GREB1L: variants seen among roughly 807,000 people sequenced by gnomAD.
GREB1L encodes GREB1 like retinoic acid receptor coactivator.
A neutral mutation model predicts 200.8 loss-of-function variants in GREB1L; 17 were observed. The observed-to-expected ratio is 0.08, with a 90% CI of 0.06 to 0.13. The LOEUF is 0.13. Ranked by LOEUF, GREB1L falls within the 10% of genes least tolerant of loss-of-function variation. GREB1L has a pLI of 1.00. For missense variants in GREB1L, 1,657 were observed against 2,367.7 expected (o/e 0.70, Z 6.23); for synonymous variants, 789 against 893.0 (o/e 0.88, Z 2.08).
chr18:21,374,850 C>CTTTTTTTTTTTTTTTTTT (rs535722957), intron 2 of GREB1L, among the ~76,000 whole-genome samples: 1 of 130,258 alleles, frequency 7.7e-6, no homozygotes, highest in African/African-American at 2.9e-5. Flanking sequence ...TTTCCTTTTC[C>CTTTTTTTTTTTTTTTTTT]TTTTTTTTTT....
chr18:21,244,311 A>AGT (rs903694488), intron 1 of GREB1L, among the ~76,000 whole-genome samples: 2 of 152,214 alleles, frequency 1.3e-5, no homozygotes, highest in Non-Finnish European at 2.9e-5. Context: ...TGTCTACCGC[A>AGT]GTGTGTATCT....
At chr18:21,433,422 C>T (rs903130835) in intron 7 of GREB1L, among the ~76,000 whole-genome samples, 1 of 152,128 alleles carries the variant, frequency 6.6e-6, no homozygotes, top group African/African-American at 2.4e-5. Flanking sequence ...GCTAATCTTC[C>T]AAACAATATG....
chr18:21,505,432 G>A lies in GREB1L; in HGVS notation c.4093G>A (p.Val1365Met). 1 of 1,551,384 alleles carries A rather than the reference G, an allele frequency of 6.4e-7. No homozygotes were observed. The highest frequency in any genetic ancestry group is 8.7e-7 in the Non-Finnish European group (1 of 1,146,998). Reference protein sequence around the residue: ...INTDHNESSEVSQSEGEPWPD... With the variant: ...INTDHNESSEMSQSEGEPWPD... Reference sequence around the variant, plus strand: ...CCTAGATCACAATGAAAGCAGTGAAGTGAGCCAGTCAGAGGGAGAGCCCTG... The same window carrying A: ...CCTAGATCACAATGAAAGCAGTGAAATGAGCCAGTCAGAGGGAGAGCCCTG... The change falls in exon 24 of 33, where the codon GTG becomes ATG. Residue 1365 changes from valine (V) to methionine (M), a missense_variant. By Grantham distance (21) the Val-to-Met change is conservative. Coordinates refer to ENST00000424526, the MANE Select transcript of GREB1L (RefSeq NM_001142966.3).
At chr18:21,477,560 G>C (rs984363839) in intron 17 of GREB1L, among the ~76,000 whole-genome samples, 1 of 152,202 alleles carries the variant, frequency 6.6e-6, no homozygotes, top group Non-Finnish European at 1.5e-5. Context: ...GCCGAGGCGG[G>C]TGGATCACAA....
In GREB1L at chr18:21,360,373, C is replaced by T. The variant is rs1034481180; in HGVS notation, c.-119-5654C>T. Among the ~76,000 whole-genome samples the T allele has an allele frequency of 1.4e-4, 22 of 152,062 alleles. 1 individual carries two copies. The highest frequency in any genetic ancestry group is 7.2e-4 in the Admixed American group (11 of 15,256). On this transcript the variant is annotated intron_variant, in intron 1 of 32. Transcript: ENST00000424526. ...AGCTGGGAGTACAGGTGCTTGCCAC[C>T]ACACCTAGCTAATTTTTTTTTTTTG...
chr18:21,470,034 C>G (rs1385020933), intron 15 of GREB1L, among the ~76,000 whole-genome samples: 1 of 152,024 alleles, frequency 6.6e-6, no homozygotes, highest in African/African-American at 2.4e-5. Context: ...CCTATAATCC[C>G]AGTGCTTTGA....
intron 1 of GREB1L, among the ~76,000 whole-genome samples, chr18:21,306,941 T>C (rs1189397393): frequency 6.6e-6 from 1 of 152,244 alleles, no homozygotes; most frequent in Non-Finnish European, 1.5e-5. Context: ...ATATGTTTTA[T>C]CTTTTTTATT....
Position 21,336,895 on chromosome 18 carries a change from C to CT in GREB1L, c.-119-29129dup, listed in dbSNP as rs547252743. On this transcript the variant is annotated intron_variant, in intron 1 of 32. Coordinates refer to ENST00000424526, the MANE Select transcript of GREB1L (RefSeq NM_001142966.3). ...CTCCAGCCTTTTTGCTTCTGGACCA[C>CT]TTTATCAGAACTCTTCTCCTTTCTG... Among the ~76,000 whole-genome samples the CT allele has an allele frequency of 1.1e-4, 16 of 152,286 alleles. No individual in the cohort carries two copies. The South Asian group carries it at 3.3e-3, about 32-fold the overall frequency.
At chr18:21,336,815 T>C (rs1476712081) in intron 1 of GREB1L, among the ~76,000 whole-genome samples, 2 of 152,158 alleles carry the variant, frequency 1.3e-5, no homozygotes, top group African/African-American at 4.8e-5. Context: ...CTGCTAGTGG[T>C]CAGAATTTAT....
intron 31 of GREB1L, 36 bp downstream of exon 31, chr18:21,518,270 A>G (rs1280968039): frequency 2.2e-5 from 33 of 1,520,460 alleles, no homozygotes; most frequent in Non-Finnish European, 2.6e-5. Flanking sequence ...GCTTACCTAC[A>G]TCCATCCATT....
At chr18:21,243,307 C>G (rs2037537107) in intron 1 of GREB1L, among the ~76,000 whole-genome samples, 1 of 152,166 alleles carries the variant, frequency 6.6e-6, no homozygotes, top group African/African-American at 2.4e-5. Flanking sequence ...CTCGTTTGCC[C>G]GGAACTGCCG....
chr18:21,394,012 C>T (rs970266259), intron 4 of GREB1L, among the ~76,000 whole-genome samples: 4 of 152,170 alleles, frequency 2.6e-5, no homozygotes, highest in Admixed American at 1.3e-4. Flanking sequence ...GCAGATACAG[C>T]GGGCTGAGGG....
chr18:21,427,228 A>G (rs1312952534), intron 7 of GREB1L, among the ~76,000 whole-genome samples: 1 of 151,930 alleles, frequency 6.6e-6, no homozygotes, highest in East Asian at 1.9e-4. Context: ...TTGTGGCCAG[A>G]TGTGGTGGCT....
intron 1 of GREB1L, among the ~76,000 whole-genome samples, chr18:21,320,419 A>G (rs2038933823): frequency 6.6e-6 from 1 of 152,204 alleles, no homozygotes; most frequent in Non-Finnish European, 1.5e-5. Flanking sequence ...CTATATGGCA[A>G]GTCAAATGAA....
Position 21,444,327 on chromosome 18 carries a change from G to A in GREB1L, c.1311G>A (p.Leu437=). 7 of 1,552,030 alleles carry A rather than the reference G, an allele frequency of 4.5e-6. No individual in the cohort carries two copies. The highest frequency in any genetic ancestry group is 6.1e-6 in the Non-Finnish European group (7 of 1,146,926). Residue 437 remains leucine, a synonymous_variant, in exon 11 of 33, where the codon TTG becomes TTA. Coordinates refer to ENST00000424526, the MANE Select transcript of GREB1L (RefSeq NM_001142966.3). ...TTCCACAGTTGGAAAACAAAGATTT[G>A]GAAAAATTAGGGTTGACCGGCAGCC... ...YKIPQLENKD[L]EKLGLTGSQF...
At chr18:21,284,664 A>G (rs1447391672) in intron 1 of GREB1L, among the ~76,000 whole-genome samples, 1 of 152,144 alleles carries the variant, frequency 6.6e-6, no homozygotes, top group Non-Finnish European at 1.5e-5. Context: ...GTATGGATGT[A>G]TGTTTTCATT....
At chr18:21,486,353 CAAA>C (rs770296447) in intron 18 of GREB1L, among the ~76,000 whole-genome samples, 6 of 89,776 alleles carry the variant, frequency 6.7e-5, no homozygotes, top group Non-Finnish European at 2.3e-5. Flanking sequence ...GACTCCGTCT[CAAA>C]AAAAAAAAAA....
At chr18:21,521,371 C>CAA (rs35132178) in intron 32 of GREB1L, among the ~76,000 whole-genome samples, 1 of 120,900 alleles carries the variant, frequency 8.3e-6, no homozygotes, top group East Asian at 2.4e-4. Context: ...AACTCCATCT[C>CAA]AAAAAAAAAA....
chr18:21,377,542 G>A (rs184413919), intron 2 of GREB1L, among the ~76,000 whole-genome samples: 214 of 152,232 alleles, frequency 1.4e-3, no homozygotes, highest in African/African-American at 4.9e-3. Context: ...CTGGGAGGCC[G>A]AGGCGAGCAG....
Sources: gnomAD v4.1 joint callset for allele counts (sites outside exome capture counted in the v4.1 genomes callset) on GRCh38, gnomAD v4.1.1 for gene constraint, MANE v1.5 for transcripts, NCBI Gene and HGNC (gene_info 2026-07-23, HGNC 2026-07-21) for gene names.